Variants in KLHL7 observed in about 807,000 individuals in gnomAD.
The protein encoded by KLHL7 is kelch-like protein 7.
A neutral mutation model predicts 67.4 loss-of-function variants in KLHL7; 44 were observed. That is an observed-to-expected ratio of 0.65 (90% CI 0.51 to 0.84). The LOEUF (loss-of-function observed/expected upper bound fraction) is 0.84. Among genes scored for constraint, KLHL7 ranks in the 40% least tolerant of loss-of-function variants. The probability of loss-of-function intolerance (pLI) is 0.00; values close to 1 mark genes in which losing one functional copy is unlikely to be tolerated. For missense variants in KLHL7, 362 were observed against 718.1 expected, an observed-to-expected ratio of 0.50 and a Z score of 5.67; for synonymous variants, 252 against 243.3, an observed-to-expected ratio of 1.04 and a Z score of -0.33.
chr7:23,162,117 T>C (rs757826520), intron 7 of KLHL7, among the ~76,000 whole-genome samples: 1 of 152,230 alleles, frequency 6.6e-6, no homozygotes, highest in Non-Finnish European at 1.5e-5. Flanking sequence ...CAGATCACTC[T>C]ACTCCCAGTC....
At position 23,168,683 on chromosome 7, in the gene KLHL7, G is replaced by T. The variant is rs74815533; in HGVS notation, c.1379+646G>T. Among the ~76,000 whole-genome samples the T allele has an allele frequency of 5.8e-3, 878 of 152,298 alleles. 7 individuals are homozygous for T. Among genetic ancestry groups the T allele is most frequent in the Non-Finnish European group, 9.6e-3 (653 of 68,026 alleles). ...GAGAGGGCATGAGGGCACGGGTTGT[G>T]AGTAGTGACATTAAAGCTGATGAGG... On this transcript the variant is annotated intron_variant, in intron 9 of 10. Transcript: ENST00000339077.
chr7:23,160,185 T>C (rs1562587658), intron 7 of KLHL7, among the ~76,000 whole-genome samples: 1 of 152,214 alleles, frequency 6.6e-6, no homozygotes, highest in Non-Finnish European at 1.5e-5. Flanking sequence ...TAATATACCT[T>C]GCTGCGCCAA....
intron 1 of KLHL7, among the ~76,000 whole-genome samples, chr7:23,109,625 G>T (rs1440857004): frequency 2.0e-5 from 3 of 152,156 alleles, no homozygotes; most frequent in Admixed American, 6.5e-5. Flanking sequence ...TCACCTTCCG[G>T]CTAAAATGAC....
At chr7:23,158,851 A>G (rs1014669338) in intron 7 of KLHL7, among the ~76,000 whole-genome samples, 2 of 152,192 alleles carry the variant, frequency 1.3e-5, no homozygotes, top group African/African-American at 4.8e-5. Flanking sequence ...TGTTGGTGGC[A>G]TGGAAAGAAG....
At chr7:23,153,243 C>T (rs79110435) in intron 7 of KLHL7, among the ~76,000 whole-genome samples, 3,030 of 152,152 alleles carry the variant, frequency 0.02, 115 homozygotes, top group African/African-American at 0.069. Context: ...TACAACGCTT[C>T]TGCAGCTCAT....
At chr7:23,163,120 C>A (rs1235319318) in intron 7 of KLHL7, among the ~76,000 whole-genome samples, 1 of 152,012 alleles carries the variant, frequency 6.6e-6, no homozygotes, top group Non-Finnish European at 1.5e-5. Flanking sequence ...TGCCTTGAGG[C>A]ATTTAGAGAA....
chr7:23,130,610 G>A (rs1783762776), intron 4 of KLHL7, among the ~76,000 whole-genome samples: 1 of 152,128 alleles, frequency 6.6e-6, no homozygotes, highest in South Asian at 2.1e-4. Context: ...TAAGTTCTTG[G>A]ATAAGTTCTT....
chr7:23,175,279 G>C lies in KLHL7; in HGVS notation c.*981G>C, dbSNP rs1286265128. 2.2e-6 allele frequency: 1 copy of C among 453,866 alleles called. No homozygotes were observed. Among genetic ancestry groups the C allele is most frequent in the Non-Finnish European group, 4.4e-6 (1 of 226,748 alleles). 28.1% of individuals were successfully genotyped at this position (453,866 alleles called of 1,614,324 possible). On this transcript the variant is annotated 3_prime_UTR_variant, in exon 11 of 11. Transcript: ENST00000339077. The stretch of plus-strand genomic sequence containing the variant: ...CATCTCCTATTCATTGCTTTTATGT[G>C]ATCAATAAATCTTTTACAAACCCAA...
rs1782954296 is a variant in KLHL7 at position 23,113,354 on chromosome 7, GAGGCTAATATAGGC to G, written c.120+7212_120+7225del. Reference sequence around the variant, plus strand: ...TACCTGAACAGGAGGTAAAAATGAGGAGGCTAATATAGGCAGGTCACAGTCTTAACTTTCAATCC... The same window carrying G: ...TACCTGAACAGGAGGTAAAAATGAGGAGGTCACAGTCTTAACTTTCAATCC... On this transcript the variant is annotated intron_variant, in intron 1 of 10. Transcript: ENST00000339077. Among the ~76,000 whole-genome samples the G allele has an allele frequency of 2.6e-5, 4 of 152,190 alleles. No individual in the cohort carries two copies. The South Asian group carries it at 8.3e-4, about 32-fold the overall frequency.
intron 1 of KLHL7, among the ~76,000 whole-genome samples, chr7:23,115,734 G>A (rs191511250): frequency 6.6e-6 from 1 of 151,886 alleles, no homozygotes; most frequent in South Asian, 2.1e-4. Flanking sequence ...TAGTAGAGAC[G>A]GGGTTTTACC....
At chr7:23,148,148 A>G (rs1784416638) in intron 6 of KLHL7, among the ~76,000 whole-genome samples, 1 of 152,220 alleles carries the variant, frequency 6.6e-6, no homozygotes, top group South Asian at 2.1e-4. Context: ...AATGTTGTCC[A>G]TAGATTGGAA....
intron 1 of KLHL7, among the ~76,000 whole-genome samples, chr7:23,120,175 A>G (rs144132668): frequency 2.0e-3 from 308 of 152,024 alleles, no homozygotes; most frequent in African/African-American, 6.4e-3. Context: ...ACACCTGGCT[A>G]TGTTTTTGTA....
chr7:23,139,760 A>G (rs1284286315), intron 4 of KLHL7, among the ~76,000 whole-genome samples: 5 of 152,262 alleles, frequency 3.3e-5, no homozygotes, highest in African/African-American at 1.2e-4. Flanking sequence ...ACATACAAAA[A>G]TAATTTGTAG....
intron 6 of KLHL7, among the ~76,000 whole-genome samples, chr7:23,147,053 A>G (rs1784380288): frequency 7.0e-6 from 1 of 143,272 alleles, no homozygotes; most frequent in African/African-American, 2.6e-5. Context: ...GTCATTGTAA[A>G]TTGTATCTTT....
intron 5 of KLHL7, among the ~76,000 whole-genome samples, chr7:23,141,471 A>G (rs1784179060): frequency 6.6e-6 from 1 of 152,250 alleles, no homozygotes; most frequent in Non-Finnish European, 1.5e-5. Context: ...TTTCTCCTGT[A>G]GAGTCTCCAG....
chr7:23,155,963 C>A (rs1169475469), intron 7 of KLHL7: 4 of 460,300 alleles, frequency 8.7e-6, no homozygotes, highest in South Asian at 4.8e-5. Context: ...AGTTCTAATT[C>A]TTTCCTTGAT....
intron 4 of KLHL7, among the ~76,000 whole-genome samples, chr7:23,130,198 G>A (rs538401796): frequency 6.6e-6 from 1 of 152,116 alleles, no homozygotes; most frequent in African/African-American, 2.4e-5. Flanking sequence ...AGAATAAGTG[G>A]TTGATAAAAT....
Position 23,175,310 on chromosome 7 carries a change from C to T in KLHL7, c.*1012C>T. The T allele has an allele frequency of 8.8e-6, 4 of 454,068 alleles. No homozygotes were observed. The highest frequency in any genetic ancestry group is 6.2e-5 in the South Asian group (4 of 64,446). The allele number at this position is 454,068 out of a possible 1,614,324, so 28.1% of individuals were successfully genotyped here. On this transcript the variant is annotated 3_prime_UTR_variant, in exon 11 of 11. Coordinates refer to ENST00000339077, the MANE Select transcript of KLHL7 (RefSeq NM_001031710.3). ...TAAATCTTTTACAAACCCAACTACT[C>T]ATTTCCTTCCTAGTAATACTTTGCC...
At position 23,174,799 on chromosome 7, in the gene KLHL7, A is replaced by G. The variant is rs1268029041; in HGVS notation, c.*501A>G. 2.2e-6 allele frequency: 1 copy of G among 454,482 alleles called. No homozygotes were observed. Among genetic ancestry groups the G allele is most frequent in the African/African-American group, 2.0e-5 (1 of 50,008 alleles). 28.2% of individuals were successfully genotyped at this position (454,482 alleles called of 1,614,324 possible). ...GTCTATTTATTTTATTTAGTGCCAAATGTATTCCATTTTAAAAGTAAGCCA... is the reference window on the plus strand; with the variant it reads ...GTCTATTTATTTTATTTAGTGCCAAGTGTATTCCATTTTAAAAGTAAGCCA... On this transcript the variant is annotated 3_prime_UTR_variant, in exon 11 of 11. Transcript: ENST00000339077.
Sources: allele counts gnomAD v4.1 joint callset (sites outside exome capture counted in the v4.1 genomes callset), GRCh38; gene constraint gnomAD v4.1.1; transcripts MANE v1.5; gene names NCBI Gene and HGNC (gene_info 2026-07-23, HGNC 2026-07-21).